Variants in NEGR1 observed in about 807,000 individuals in gnomAD.
NEGR1 encodes IgLON family member 4.
NEGR1 carries 10 observed loss-of-function variants against 40.9 expected under a neutral mutation model. The observed-to-expected ratio is 0.24, with a 90% CI of 0.15 to 0.42. The LOEUF is 0.42. Among genes scored for constraint, NEGR1 ranks in the 10% least tolerant of loss-of-function variants. The pLI, the probability that NEGR1 is intolerant of heterozygous loss-of-function variation, is 1.00. For synonymous variants in NEGR1, 185 were observed against 166.8 expected (o/e 1.11, Z -0.84); for missense variants, 352 against 438.9 (o/e 0.80, Z 1.77).
At chr1:71,520,781 G>C (rs72938051) in intron 6 of NEGR1, among the ~76,000 whole-genome samples, 6,115 of 152,038 alleles carry the variant, frequency 0.04, 406 homozygotes, top group African/African-American at 0.14. Context: ...AGGCATGGCT[G>C]GGGCAGGGAA....
chr1:71,396,179 C>T lies in NEGR1; in HGVS notation c.*11267G>A, dbSNP rs1423315241. 1.3e-5 allele frequency: 2 copies of T among 152,108 alleles called. No homozygotes were observed. The highest frequency in any genetic ancestry group is 2.4e-5 in the African/African-American group (1 of 41,426). 9.4% of individuals were successfully genotyped at this position (152,108 alleles called of 1,614,324 possible). On this transcript the variant is annotated 3_prime_UTR_variant, in exon 7 of 7. Transcript: ENST00000357731. ...TCTTTTACCCTCTGTTTCTTTTCTT[C>T]TTCCTTTTCCTTTCTCACTTTCAGT...
At chr1:72,185,962 A>G (rs1652598331) in intron 1 of NEGR1, among the ~76,000 whole-genome samples, 1 of 151,834 alleles carries the variant, frequency 6.6e-6, no homozygotes, top group African/African-American at 2.4e-5. Flanking sequence ...TTTATTCTTT[A>G]GATGTAATTT....
intron 3 of NEGR1, among the ~76,000 whole-genome samples, chr1:71,747,500 A>G (rs957420791): frequency 1.3e-5 from 2 of 151,812 alleles, no homozygotes; most frequent in African/African-American, 2.4e-5. Flanking sequence ...CCTCAGTTCA[A>G]TGCAGCTTCC....
intron 1 of NEGR1, among the ~76,000 whole-genome samples, chr1:72,260,978 T>C (rs908125217): frequency 7.2e-5 from 11 of 152,074 alleles, no homozygotes; most frequent in Non-Finnish European, 1.0e-4. Context: ...TGAAATATTC[T>C]AGATATAGTT....
At chr1:72,070,809 T>G (rs536195956) in intron 1 of NEGR1, among the ~76,000 whole-genome samples, 24 of 152,098 alleles carry the variant, frequency 1.6e-4, no homozygotes, top group Non-Finnish European at 1.6e-4. Flanking sequence ...CTAGTTGATT[T>G]TATGGCATGG....
At chr1:71,633,662 C>T (rs1280350783) in intron 4 of NEGR1, among the ~76,000 whole-genome samples, 1 of 152,096 alleles carries the variant, frequency 6.6e-6, no homozygotes, top group Admixed American at 6.6e-5. Context: ...CTCTCTACCT[C>T]CTTGCTTACT....
chr1:71,707,541 G>A (rs1262327910), intron 3 of NEGR1, among the ~76,000 whole-genome samples: 1 of 152,150 alleles, frequency 6.6e-6, no homozygotes, highest in Admixed American at 6.5e-5. Context: ...CTCTCAGATG[G>A]CAGTTTTGGA....
chr1:71,776,260 G>A lies in NEGR1; in HGVS notation c.447C>T (p.Thr149=), dbSNP rs375586274. 20 of 1,600,600 alleles carry A rather than the reference G, an allele frequency of 1.2e-5. No individual in the cohort carries two copies. Among genetic ancestry groups the A allele is most frequent in the Non-Finnish European group, 1.5e-5 (18 of 1,171,130 alleles). Residue 149 remains threonine, a synonymous_variant, in exon 3 of 7, where the codon ACC becomes ACT. Coordinates refer to ENST00000357731, the MANE Select transcript of NEGR1 (RefSeq NM_173808.3). ...GAGTGACGTTGGTTCCTTCATTGAC[G>A]GTCATATCATTTGAGATGTCATATA... ...PKIYDISNDM[T]VNEGTNVTLT...
chr1:71,665,823 C>T (rs898308492), intron 4 of NEGR1, among the ~76,000 whole-genome samples: 15 of 152,110 alleles, frequency 9.9e-5, no homozygotes, highest in East Asian at 1.9e-4. Context: ...AGATAGAACA[C>T]GTGTTCCATA....
At chr1:71,713,229 C>T (rs377011760) in intron 3 of NEGR1, among the ~76,000 whole-genome samples, 9 of 152,268 alleles carry the variant, frequency 5.9e-5, no homozygotes, top group Admixed American at 5.2e-4. Context: ...TTATTGAGGT[C>T]CTTTTCTGCC....
At chr1:71,978,404 C>T (rs998391143) in intron 1 of NEGR1, among the ~76,000 whole-genome samples, 2 of 151,934 alleles carry the variant, frequency 1.3e-5, no homozygotes. Context: ...TCTGAGGTTC[C>T]AATGTATTCA....
chr1:71,808,744 AAG>A (rs887768954), intron 2 of NEGR1, among the ~76,000 whole-genome samples: 87 of 152,304 alleles, frequency 5.7e-4, no homozygotes, highest in Non-Finnish European at 6.2e-4. Flanking sequence ...CAGAAAAAAA[AAG>A]AACAATAGAA....
At chr1:72,128,852 A>G (rs1231289635) in intron 1 of NEGR1, among the ~76,000 whole-genome samples, 1 of 152,178 alleles carries the variant, frequency 6.6e-6, no homozygotes, top group Non-Finnish European at 1.5e-5. Context: ...TCCCTCCTCA[A>G]TATGAGTGGG....
At chr1:71,911,853 T>C (rs1661428383) in intron 2 of NEGR1, among the ~76,000 whole-genome samples, 1 of 152,200 alleles carries the variant, frequency 6.6e-6, no homozygotes, top group East Asian at 1.9e-4. Context: ...GTACTTTCTA[T>C]TGGTATCATT....
intron 2 of NEGR1, among the ~76,000 whole-genome samples, chr1:71,901,927 C>T (rs748778990): frequency 6.6e-6 from 1 of 151,944 alleles, no homozygotes; most frequent in Non-Finnish European, 1.5e-5. Context: ...CCTCGACCTC[C>T]CAAAATGCTG....
intron 1 of NEGR1, among the ~76,000 whole-genome samples, chr1:71,967,179 C>T (rs938514174): frequency 6.6e-6 from 1 of 152,076 alleles, no homozygotes. Flanking sequence ...GATTATTATA[C>T]TAAGATGCAC....
chr1:71,691,466 C>T (rs115801036), intron 4 of NEGR1, among the ~76,000 whole-genome samples: 2 of 151,012 alleles, frequency 1.3e-5, no homozygotes, highest in African/African-American at 4.9e-5. Flanking sequence ...TTCTTAGCTC[C>T]TCATATCTCT....
chr1:71,407,651 T>G (rs1223874233), intron 6 of NEGR1, 81 bp from the exon 7 acceptor site: 2 of 1,389,348 alleles, frequency 1.4e-6, no homozygotes, highest in Non-Finnish European at 2.0e-6. Flanking sequence ...GGTAGCCAGG[T>G]GCATCGGGGA....
chr1:71,503,412 C>G (rs1647011577), intron 6 of NEGR1, among the ~76,000 whole-genome samples: 1 of 152,086 alleles, frequency 6.6e-6, no homozygotes, highest in African/African-American at 2.4e-5. Flanking sequence ...AATGCTTGCC[C>G]CCTCCATACA....
Sources: allele counts gnomAD v4.1 joint callset (sites outside exome capture counted in the v4.1 genomes callset), GRCh38; gene constraint gnomAD v4.1.1; transcripts MANE v1.5; gene names NCBI Gene and HGNC (gene_info 2026-07-23, HGNC 2026-07-21).